The following GRM8 variants were observed in gnomAD, a reference collection of about 807,000 sequenced individuals.
GRM8 encodes metabotropic glutamate receptor 8.
GRM8 carries 47 observed loss-of-function variants against 87.2 expected under a neutral mutation model. The observed-to-expected ratio is 0.54, with a 90% CI of 0.43 to 0.69. GRM8 has a LOEUF of 0.69. GRM8 is among the 30% of genes least tolerant of loss of function. The probability of loss-of-function intolerance (pLI) is 0.00; values close to 1 mark genes in which losing one functional copy is unlikely to be tolerated. For missense variants in GRM8, 1,019 were observed against 1,139.2 expected, an observed-to-expected ratio of 0.89 and a Z score of 1.52; for synonymous variants, 396 against 404.5, an observed-to-expected ratio of 0.98 and a Z score of 0.25.
At chr7:127,130,076 C>G (rs539006958) in intron 2 of GRM8, among the ~76,000 whole-genome samples, 1 of 152,278 alleles carries the variant, frequency 6.6e-6, no homozygotes, top group East Asian at 1.9e-4. Context: ...GGTTCCCCTG[C>G]TCTGTCTCCT....
intron 6 of GRM8, among the ~76,000 whole-genome samples, chr7:126,814,987 C>G (rs370056035): frequency 6.6e-5 from 10 of 152,064 alleles, no homozygotes; most frequent in Admixed American, 2.6e-4. Flanking sequence ...AGAAAAAGAA[C>G]CAATTCTTAC....
At chr7:126,576,648 C>T (rs192207687) in intron 8 of GRM8, among the ~76,000 whole-genome samples, 4 of 152,260 alleles carry the variant, frequency 2.6e-5, no homozygotes, top group Admixed American at 2.0e-4. Context: ...TAAACCTCTA[C>T]AGAAATCCTC....
At chr7:126,947,251 T>C (rs1057311036) in intron 3 of GRM8, among the ~76,000 whole-genome samples, 4 of 152,180 alleles carry the variant, frequency 2.6e-5, no homozygotes, top group African/African-American at 9.7e-5. Flanking sequence ...ACATAAAGAG[T>C]AATCAAAGGT....
intron 6 of GRM8, among the ~76,000 whole-genome samples, chr7:126,825,447 TGAG>T (rs1794676909): frequency 6.6e-6 from 1 of 152,198 alleles, no homozygotes; most frequent in South Asian, 2.1e-4. Context: ...TAACTAACAA[TGAG>T]GAAATCTAAG....
At chr7:127,056,992 C>T (rs1267214705) in intron 3 of GRM8, among the ~76,000 whole-genome samples, 3 of 152,144 alleles carry the variant, frequency 2.0e-5, no homozygotes, top group African/African-American at 7.2e-5. Context: ...ACACTTCAGA[C>T]TTTTCCAGTA....
At chr7:126,898,417 A>T (rs965877254) in intron 6 of GRM8, among the ~76,000 whole-genome samples, 1 of 152,206 alleles carries the variant, frequency 6.6e-6, no homozygotes, top group African/African-American at 2.4e-5. Context: ...TTTTTAAAAA[A>T]TTAAATTAGT....
intron 1 of GRM8, among the ~76,000 whole-genome samples, chr7:127,244,943 C>T (rs1798507203): frequency 6.6e-6 from 1 of 152,180 alleles, no homozygotes; most frequent in Non-Finnish European, 1.5e-5. Flanking sequence ...GTATTCCCTG[C>T]CTCCGGGCAC....
intron 7 of GRM8, among the ~76,000 whole-genome samples, chr7:126,741,352 ACT>A (rs1256066577): frequency 6.6e-6 from 1 of 151,990 alleles, no homozygotes; most frequent in African/African-American, 2.4e-5. Flanking sequence ...AAAATAAAAC[ACT>A]GTTTTCAAAC....
chr7:127,122,770 T>C (rs1384094590), intron 2 of GRM8, among the ~76,000 whole-genome samples: 1 of 151,800 alleles, frequency 6.6e-6, no homozygotes. Flanking sequence ...AAATGCAGGA[T>C]GAAAAACACT....
At chr7:127,053,054 C>G (rs1010441704) in intron 3 of GRM8, among the ~76,000 whole-genome samples, 6 of 152,056 alleles carry the variant, frequency 3.9e-5, no homozygotes, top group African/African-American at 1.4e-4. Context: ...ATCAGCAGAC[C>G]AAGTTAAAAT....
chr7:127,171,881 T>C (rs1208417641), intron 2 of GRM8, among the ~76,000 whole-genome samples: 1 of 152,208 alleles, frequency 6.6e-6, no homozygotes, highest in Non-Finnish European at 1.5e-5. Context: ...ACACATGCAG[T>C]CTTGGACACA....
At chr7:126,947,767 C>G (rs1241906239) in intron 3 of GRM8, among the ~76,000 whole-genome samples, 2 of 152,116 alleles carry the variant, frequency 1.3e-5, no homozygotes. Context: ...GTCGAAATCA[C>G]TCACTTCAAA....
intron 6 of GRM8, among the ~76,000 whole-genome samples, chr7:126,790,507 G>A (rs565295254): frequency 2.2e-4 from 34 of 152,152 alleles, no homozygotes; most frequent in Non-Finnish European, 4.6e-4. Context: ...TAAATTAAAT[G>A]TCAGGAATTT....
chr7:126,689,902 G>A (rs143572992), intron 7 of GRM8, among the ~76,000 whole-genome samples: 47 of 152,266 alleles, frequency 3.1e-4, no homozygotes, highest in African/African-American at 1.0e-3. Context: ...GAATAAATAC[G>A]TTCTGGCGGG....
At chr7:126,574,855 T>C (rs186602227) in intron 8 of GRM8, among the ~76,000 whole-genome samples, 1 of 152,082 alleles carries the variant, frequency 6.6e-6, no homozygotes, top group Non-Finnish European at 1.5e-5. Context: ...GACCTGACTG[T>C]TAAGGTGTGG....
chr7:126,518,930 T>TA (rs1173453167), intron 9 of GRM8, among the ~76,000 whole-genome samples: 1 of 152,104 alleles, frequency 6.6e-6, no homozygotes, highest in African/African-American at 2.4e-5. Context: ...ACAGATATGT[T>TA]AATGAGAAAA....
chr7:127,223,683 C>A (rs956274862), intron 2 of GRM8, among the ~76,000 whole-genome samples: 1 of 152,072 alleles, frequency 6.6e-6, no homozygotes, highest in African/African-American at 2.4e-5. Flanking sequence ...CGCCACCACT[C>A]AGCAGTAATG....
At chr7:127,114,947 A>G (rs887840913) in intron 2 of GRM8, among the ~76,000 whole-genome samples, 5 of 152,148 alleles carry the variant, frequency 3.3e-5, no homozygotes, top group Non-Finnish European at 5.9e-5. Flanking sequence ...GTGGAAAGCC[A>G]CAACCTAGAA....
intron 7 of GRM8, among the ~76,000 whole-genome samples, chr7:126,714,263 G>GCAAGACTCCATCT (rs1461459880): frequency 4.1e-5 from 6 of 145,118 alleles, no homozygotes; most frequent in African/African-American, 1.5e-4. Flanking sequence ...GGGTGACAGA[G>GCAAGACTCCATCT]CAAGACTCCA....
Sources: allele counts gnomAD v4.1 joint callset (sites outside exome capture counted in the v4.1 genomes callset), GRCh38; gene constraint gnomAD v4.1.1; transcripts MANE v1.5; gene names NCBI Gene and HGNC (gene_info 2026-07-23, HGNC 2026-07-21).